Variants in ITPR3 observed in about 807,000 individuals in gnomAD.
ITPR3 encodes the protein inositol 1,4,5-trisphosphate receptor type 3.
ITPR3 carries 173 observed loss-of-function variants against 293.2 expected under a neutral mutation model. The observed-to-expected ratio is 0.59, with a 90% CI of 0.52 to 0.67. ITPR3 has a LOEUF of 0.67. Ranked by LOEUF, ITPR3 falls within the 30% of genes least tolerant of loss-of-function variation. The pLI is 0.00. For missense variants in ITPR3, 2,796 were observed against 3,592.1 expected, an observed-to-expected ratio of 0.78 and a Z score of 5.66; for synonymous variants, 1,295 against 1,444.4, an observed-to-expected ratio of 0.90 and a Z score of 2.35.
chr6:33,669,209 A>C, intron 18 of ITPR3, 53 bp downstream of exon 18: 1 of 1,562,604 alleles, frequency 6.4e-7, no homozygotes, highest in Non-Finnish European at 8.7e-7. Context: ...GGGCCTTCTC[A>C]GTAGGCCGTC....
At chr6:33,652,534 C>T (rs1764214887) in intron 2 of ITPR3, among the ~76,000 whole-genome samples, 1 of 152,120 alleles carries the variant, frequency 6.6e-6, no homozygotes, top group African/African-American at 2.4e-5. Context: ...GATCTCAGCT[C>T]ACTGCAGCCT....
At position 33,695,825 on chromosome 6, in the gene ITPR3, A is replaced by C. The variant is rs1187647752; in HGVS notation, c.*45A>C. On this transcript the variant is annotated 3_prime_UTR_variant, in exon 58 of 58. Coordinates refer to ENST00000605930, the MANE Select transcript of ITPR3 (RefSeq NM_002224.4). ...CAACAGGGGATGCTCATCACTGGAG[A>C]CTGCGACTGGGAAGAACACTGCCCC... 6.3e-7 allele frequency: 1 copy of C among 1,592,086 alleles called. No homozygotes were observed. The highest frequency in any genetic ancestry group is 1.7e-5 in the Admixed American group (1 of 59,950).
In ITPR3 at chr6:33,695,070, C is replaced by T. The variant is rs911504113; in HGVS notation, c.7932C>T (p.Asn2644=). The change falls in exon 57 of 58, where the codon AAC becomes AAT. Residue 2644 remains asparagine, a synonymous_variant. Coordinates refer to ENST00000605930, the MANE Select transcript of ITPR3 (RefSeq NM_002224.4). ...KLVSHLTAQL[N]ELKEQMTEQR... ...TGTCCCACCTCACTGCCCAGCTCAA[C>T]GAGCTCAAGGAGCAGGTGTGCACCC... The T allele has an allele frequency of 6.8e-6, 11 of 1,613,912 alleles. No individual in the cohort carries two copies. Among genetic ancestry groups the T allele is most frequent in the East Asian group, 4.5e-5 (2 of 44,876 alleles).
chr6:33,683,114 T>C lies in ITPR3; in HGVS notation c.4598-93T>C, dbSNP rs1423192631. 1 of 964,588 alleles carries C rather than the reference T, an allele frequency of 1.0e-6. No homozygotes were observed. The highest frequency in any genetic ancestry group is 1.5e-6 in the Non-Finnish European group (1 of 676,744). The allele number at this position is 964,588 out of a possible 1,614,324, so 59.8% of individuals were successfully genotyped here. On this transcript the variant is annotated intron_variant, in intron 34 of 57. Coordinates refer to ENST00000605930, the MANE Select transcript of ITPR3 (RefSeq NM_002224.4). This position sits in a 1 kb window ranked among gnomAD's most constrained non-coding sequence, Gnocchi z 4.5. Reference sequence around the variant, plus strand: ...CTCCCAGACCCTTGGTCTAGTTCACTCTGTCTCCTGGTGTGGCAGCCCTGA... The same window carrying C: ...CTCCCAGACCCTTGGTCTAGTTCACCCTGTCTCCTGGTGTGGCAGCCCTGA...
In ITPR3 at chr6:33,687,959, G is replaced by A; in HGVS notation, c.6265-98G>A. On this transcript the variant is annotated intron_variant, in intron 46 of 57. Coordinates refer to ENST00000605930, the MANE Select transcript of ITPR3 (RefSeq NM_002224.4). The surrounding 1 kb of genome is among the most constrained non-coding windows in gnomAD (Gnocchi z 5.3). ...GCTTGGCGGGGACACTCGCTGAAGT[G>A]TAGTTCAGAGCTAGGCGAAGGCCTG... The A allele has an allele frequency of 2.2e-6, 2 of 921,678 alleles. No individual in the cohort carries two copies. The highest frequency in any genetic ancestry group is 3.3e-6 in the Non-Finnish European group (2 of 601,390). 57.1% of individuals were successfully genotyped at this position (921,678 alleles called of 1,614,324 possible). A position where few individuals can be genotyped will look rare whatever the true frequency, so the allele number is the denominator to read the frequency against.
intron 25 of ITPR3, among the ~76,000 whole-genome samples, chr6:33,676,499 A>G (rs1216024311): frequency 1.3e-5 from 2 of 152,362 alleles, no homozygotes; most frequent in Non-Finnish European, 1.5e-5. Flanking sequence ...CCACAGCCAC[A>G]TGTGACACTA....
chr6:33,690,307 C>A, intron 51 of ITPR3, 109 bp downstream of exon 51: 1 of 1,104,454 alleles, frequency 9.1e-7, no homozygotes, highest in Non-Finnish European at 1.3e-6. Context: ...AGTCCTTTTG[C>A]TGCTGGGCTG....
chr6:33,674,178 A>G (rs750891030), intron 23 of ITPR3, 30 bp from the exon 24 acceptor site: 6 of 1,613,200 alleles, frequency 3.7e-6, no homozygotes, highest in Non-Finnish European at 4.2e-6. Flanking sequence ...TGGGCCTACA[A>G]TCTGCTTCCA....
rs1765271466 is a variant in ITPR3 at position 33,687,650 on chromosome 6, G to A, written c.6264+86G>A. ...ACCCAAGGGCGTGGCCTGGAACAGAGTGAGGCCCTAGAATATGAGCCAGGC... is the reference window on the plus strand; with the variant it reads ...ACCCAAGGGCGTGGCCTGGAACAGAATGAGGCCCTAGAATATGAGCCAGGC... On this transcript the variant is annotated intron_variant, in intron 46 of 57. Transcript: ENST00000605930. The surrounding 1 kb of genome is among the most constrained non-coding windows in gnomAD (Gnocchi z 5.3). 3 of 1,076,244 alleles carry A rather than the reference G, an allele frequency of 2.8e-6. No individual in the cohort carries two copies. The highest frequency in any genetic ancestry group is 4.2e-6 in the Non-Finnish European group (3 of 720,700). The allele number at this position is 1,076,244 out of a possible 1,614,324, so 66.7% of individuals were successfully genotyped here.
chr6:33,687,212 C>T lies in ITPR3; in HGVS notation c.6076-14C>T, dbSNP rs1172013805. The T allele has an allele frequency of 1.2e-6, 2 of 1,604,044 alleles. No homozygotes were observed. The highest frequency in any genetic ancestry group is 1.7e-6 in the Non-Finnish European group (2 of 1,171,220). Reference sequence around the variant, plus strand: ...CCTAGGAAGAGAGCATTGGAACAGGCACTGCCCCTCCAGGTGGACGTCATC... The same window carrying T: ...CCTAGGAAGAGAGCATTGGAACAGGTACTGCCCCTCCAGGTGGACGTCATC... On this transcript the variant is annotated splice_polypyrimidine_tract_variant and intron_variant, in intron 44 of 57. Transcript: ENST00000605930. This position sits in a 1 kb window ranked among gnomAD's most constrained non-coding sequence, Gnocchi z 5.3.
rs1467820996 is a variant in ITPR3 at position 33,624,486 on chromosome 6, G to A, written c.89+2795G>A. Reference sequence around the variant, plus strand: ...AGACCCCGTGCCCGTCCTACTGAATGAGAATCTGCATTTTATTAAGATCCC... The same window carrying A: ...AGACCCCGTGCCCGTCCTACTGAATAAGAATCTGCATTTTATTAAGATCCC... On this transcript the variant is annotated intron_variant, in intron 1 of 57. Transcript: ENST00000605930. The surrounding 1 kb of genome is among the most constrained non-coding windows in gnomAD (Gnocchi z 4.7). Among the ~76,000 whole-genome samples, 2 of 152,248 alleles carry A rather than the reference G, an allele frequency of 1.3e-5. No individual in the cohort carries two copies. Among genetic ancestry groups the A allele is most frequent in the African/African-American group, 2.4e-5 (1 of 41,458 alleles).
chr6:33,671,311 G>A lies in ITPR3; in HGVS notation c.2728+5G>A. On this transcript the variant is annotated splice_donor_5th_base_variant and intron_variant, in intron 21 of 57. Coordinates refer to ENST00000605930, the MANE Select transcript of ITPR3 (RefSeq NM_002224.4). ...AGGCCTATGAGGACCCCGGTGGTGA[G>A]GCCTTTGCCCGGCTCGGGCCACCCT... The A allele has an allele frequency of 6.2e-7, 1 of 1,609,494 alleles. No individual in the cohort carries two copies. Among genetic ancestry groups the A allele is most frequent in the South Asian group, 1.1e-5 (1 of 90,856 alleles).
chr6:33,691,672 A>G lies in ITPR3; in HGVS notation c.7283A>G (p.Asp2428Gly). Residue 2428 changes from aspartate to glycine, a missense_variant, in exon 53 of 58, where the codon GAC becomes GGC. Physicochemically the swap from Asp to Gly is moderately conservative, Grantham distance 94 (BLOSUM62 -1). Transcript: ENST00000605930. The surrounding 1 kb of genome is among the most constrained non-coding windows in gnomAD (Gnocchi z 4.9). ...GCATTTGTGGACACCTGCAGTGGGG[A>G]CAAGATGGACTGTGTCTCAGGGCTC... is the stretch of plus-strand genomic sequence containing the variant. ...AAAFVDTCSG[D>G]KMDCVSGLSV... is the part of the protein sequence containing the mutation. 6.2e-7 allele frequency: 1 copy of G among 1,613,910 alleles called. No homozygotes were observed. The highest frequency in any genetic ancestry group is 8.5e-7 in the Non-Finnish European group (1 of 1,179,962).
At position 33,682,075 on chromosome 6, in the gene ITPR3, T is replaced by A. The variant is rs1009907378; in HGVS notation, c.4477-449T>A. ...TTTTGTATTTTTAGTAGAGACAGGG[T>A]TTCACCATGTTGGCCAGGCTGGTCT... On this transcript the variant is annotated intron_variant, in intron 33 of 57. Transcript: ENST00000605930. This position sits in a 1 kb window ranked among gnomAD's most constrained non-coding sequence, Gnocchi z 5.4. Among the ~76,000 whole-genome samples, 1 of 152,076 alleles carries A rather than the reference T, an allele frequency of 6.6e-6. No individual in the cohort carries two copies. The highest frequency in any genetic ancestry group is 2.4e-5 in the African/African-American group (1 of 41,400).
intron 50 of ITPR3, 126 bp downstream of exon 50, chr6:33,689,536 C>G: frequency 9.1e-7 from 1 of 1,094,412 alleles, no homozygotes; most frequent in South Asian, 1.5e-5. Context: ...GTTGGGCTCC[C>G]AAGTTCCTTA....
Position 33,687,798 on chromosome 6 carries a change from C to T in ITPR3, c.6264+234C>T, listed in dbSNP as rs574070443. Among the ~76,000 whole-genome samples the T allele has an allele frequency of 2.0e-5, 3 of 152,088 alleles. No homozygotes were observed. The highest frequency in any genetic ancestry group is 2.9e-5 in the Non-Finnish European group (2 of 67,996). On this transcript the variant is annotated intron_variant, in intron 46 of 57. Transcript: ENST00000605930. This position sits in a 1 kb window ranked among gnomAD's most constrained non-coding sequence, Gnocchi z 5.3. ...GGGTCTGGAAGCTTCAAGCAGGACC[C>T]GGGCTACACTTGGGCAGGACTGAGG... is the stretch of plus-strand genomic sequence containing the variant.
chr6:33,668,289 C>G (rs1261226952), intron 16 of ITPR3, among the ~76,000 whole-genome samples: 1 of 152,200 alleles, frequency 6.6e-6, no homozygotes, highest in African/African-American at 2.4e-5. Flanking sequence ...GCTTCCTCAC[C>G]CTGTCCGTCT....
chr6:33,639,239 C>T (rs543296508), intron 1 of ITPR3, among the ~76,000 whole-genome samples: 75 of 152,034 alleles, frequency 4.9e-4, no homozygotes, highest in African/African-American at 1.7e-3. Flanking sequence ...ATTAGCCAGG[C>T]GTGGTGGCAG....
At position 33,667,367 on chromosome 6, in the gene ITPR3, C is replaced by A; in HGVS notation, c.1713+77C>A. 1 of 1,507,624 alleles carries A rather than the reference C, an allele frequency of 6.6e-7. No homozygotes were observed. The highest frequency in any genetic ancestry group is 1.4e-5 in the African/African-American group (1 of 72,510). 93.4% of individuals were successfully genotyped at this position (1,507,624 alleles called of 1,614,324 possible). A position where few individuals can be genotyped will look rare whatever the true frequency, so the allele number is the denominator to read the frequency against. ...CAAGCGATTTCCTCAGGCACATGTG[C>A]TGTGCCAGGCACTGTTTTGGGGCCT... On this transcript the variant is annotated intron_variant, in intron 15 of 57. Transcript: ENST00000605930. The surrounding 1 kb of genome is among the most constrained non-coding windows in gnomAD (Gnocchi z 4.4).
Sources: allele counts gnomAD v4.1 joint callset (sites outside exome capture counted in the v4.1 genomes callset), GRCh38; gene constraint gnomAD v4.1.1; non-coding constraint Gnocchi (gnomAD v3.1); transcripts MANE v1.5; gene names NCBI Gene and HGNC (gene_info 2026-07-23, HGNC 2026-07-21).